Variants in CNTN4 observed in about 807,000 individuals in gnomAD.
CNTN4 encodes contactin 4.
Under a neutral mutation model 122.5 loss-of-function variants are expected in CNTN4, and 77 were observed. The ratio of observed to expected loss-of-function variants is 0.63; its 90% confidence interval spans 0.52 to 0.76. The LOEUF (loss-of-function observed/expected upper bound fraction) is 0.76. Among genes scored for constraint, CNTN4 ranks in the 30% least tolerant of loss-of-function variants. The probability of loss-of-function intolerance (pLI) is 0.00; values close to 1 mark genes in which losing one functional copy is unlikely to be tolerated. For synonymous variants in CNTN4, 512 were observed against 447.0 expected (o/e 1.15, Z -1.83); for missense variants, 1,256 against 1,259.1 (o/e 1.00, Z 0.04).
chr3:2,797,789 C>A (rs972855977), intron 6 of CNTN4, among the ~76,000 whole-genome samples: 1 of 152,076 alleles, frequency 6.6e-6, no homozygotes, highest in Non-Finnish European at 1.5e-5. Flanking sequence ...TAAGATTATT[C>A]TGTGGAAGAC....
intron 6 of CNTN4, among the ~76,000 whole-genome samples, chr3:2,807,531 C>T (rs1419406289): frequency 6.6e-6 from 1 of 151,728 alleles, no homozygotes; most frequent in Non-Finnish European, 1.5e-5. Context: ...ATTCAGCATC[C>T]AGTATCCCAA....
intron 6 of CNTN4, among the ~76,000 whole-genome samples, chr3:2,748,974 T>C (rs917458040): frequency 1.3e-5 from 2 of 152,192 alleles, no homozygotes; most frequent in East Asian, 3.9e-4. Flanking sequence ...GCTTTTCTCA[T>C]GATCTTTCAC....
intron 2 of CNTN4, among the ~76,000 whole-genome samples, chr3:2,103,888 C>T (rs1574828342): frequency 1.3e-5 from 2 of 152,092 alleles, no homozygotes; most frequent in Admixed American, 6.5e-5. Flanking sequence ...CATAAAAATG[C>T]CTGTTAGAGT....
intron 4 of CNTN4, among the ~76,000 whole-genome samples, chr3:2,594,347 A>C (rs879831367): frequency 6.6e-6 from 1 of 152,174 alleles, no homozygotes; most frequent in Non-Finnish European, 1.5e-5. Context: ...TCCATTTAGT[A>C]AATAGATAAT....
Position 3,030,994 on chromosome 3 carries a change from A to T in CNTN4, c.1783+19A>T. 2 of 1,613,832 alleles carry T rather than the reference A, an allele frequency of 1.2e-6. No homozygotes were observed. Among genetic ancestry groups the T allele is most frequent in the Non-Finnish European group, 1.7e-6 (2 of 1,179,786 alleles). ...GTAAGAGGTACTGGATTTTGTTGTT[A>T]TTGTTGTTCTTGAAATATTTTCATG... On this transcript the variant is annotated intron_variant, in intron 16 of 24. Transcript: ENST00000418658.
intron 3 of CNTN4, among the ~76,000 whole-genome samples, chr3:2,359,384 TCTTG>T (rs977130045): frequency 2.2e-4 from 34 of 152,188 alleles, no homozygotes; most frequent in African/African-American, 7.7e-4. Context: ...CTGGAATTGG[TCTTG>T]TATCTGTTAT....
chr3:2,870,903 T>G (rs1037603415), intron 8 of CNTN4, among the ~76,000 whole-genome samples: 10 of 152,174 alleles, frequency 6.6e-5, no homozygotes, highest in Admixed American at 3.9e-4. Flanking sequence ...ACAGTGAACC[T>G]TGGCTCAGTT....
chr3:2,214,111 A>C (rs1153531), intron 2 of CNTN4, among the ~76,000 whole-genome samples: 117,851 of 152,018 alleles, frequency 0.78, 45,949 homozygotes, highest in East Asian at 0.88. Context: ...GGAGGAGGGA[A>C]TGATTTTTTA....
chr3:2,177,650 G>C (rs1265011880), intron 2 of CNTN4, among the ~76,000 whole-genome samples: 2 of 94,634 alleles, frequency 2.1e-5, no homozygotes, highest in African/African-American at 3.8e-5. Context: ...GGGATTGTGT[G>C]TGTGTTTGTG....
At chr3:2,919,501 C>T (rs1207287093) in intron 12 of CNTN4, among the ~76,000 whole-genome samples, 1 of 152,138 alleles carries the variant, frequency 6.6e-6, no homozygotes, top group Non-Finnish European at 1.5e-5. Flanking sequence ...ATATTCTTGC[C>T]TTCAAGGAAC....
intron 3 of CNTN4, among the ~76,000 whole-genome samples, chr3:2,351,618 G>A (rs543998679): frequency 1.3e-5 from 2 of 152,198 alleles, no homozygotes; most frequent in East Asian, 1.9e-4. Flanking sequence ...ATTTCTTCAC[G>A]CTACTCGGAA....
chr3:3,026,407 C>T (rs923620153), intron 15 of CNTN4, 130 bp downstream of exon 15: 1 of 778,974 alleles, frequency 1.3e-6, no homozygotes, highest in African/African-American at 1.7e-5. Flanking sequence ...AATTCCTGCT[C>T]CTTTTTGCAC....
chr3:2,548,281 T>A (rs1413729214), intron 3 of CNTN4, among the ~76,000 whole-genome samples: 4 of 152,186 alleles, frequency 2.6e-5, no homozygotes, highest in African/African-American at 4.8e-5. Flanking sequence ...TTGCCTAGGT[T>A]TTCTTCTAGG....
At chr3:2,472,684 A>G (rs2075721345) in intron 3 of CNTN4, among the ~76,000 whole-genome samples, 1 of 152,238 alleles carries the variant, frequency 6.6e-6, no homozygotes, top group Non-Finnish European at 1.5e-5. Flanking sequence ...AGCAATAAAT[A>G]AACTAGAAAT....
intron 2 of CNTN4, among the ~76,000 whole-genome samples, chr3:2,289,940 T>C (rs2042073125): frequency 6.6e-6 from 1 of 152,176 alleles, no homozygotes; most frequent in Non-Finnish European, 1.5e-5. Flanking sequence ...CTTGGAGGCA[T>C]AGTTTTCAGG....
At chr3:3,042,460 T>G in intron 21 of CNTN4, 38 bp downstream of exon 21, 1 of 1,317,212 alleles carries the variant, frequency 7.6e-7, no homozygotes, top group Non-Finnish European at 1.1e-6. Context: ...TGAAAGAGAG[T>G]CTATGCCCCT....
chr3:2,543,854 G>C (rs904045997), intron 3 of CNTN4, among the ~76,000 whole-genome samples: 16 of 152,002 alleles, frequency 1.1e-4, no homozygotes, highest in Admixed American at 6.6e-5. Context: ...CATATATTAA[G>C]ACAAATATTA....
At chr3:2,252,780 T>C (rs1031627025) in intron 2 of CNTN4, among the ~76,000 whole-genome samples, 2 of 152,126 alleles carry the variant, frequency 1.3e-5, no homozygotes, top group South Asian at 2.1e-4. Flanking sequence ...TCCAAAACAC[T>C]GTAACATTTG....
At chr3:2,953,198 C>T (rs1186786779) in intron 13 of CNTN4, among the ~76,000 whole-genome samples, 2 of 152,124 alleles carry the variant, frequency 1.3e-5, no homozygotes, top group Admixed American at 6.5e-5. Flanking sequence ...ATGTCTCCAC[C>T]GTGTGCCACC....
Sources: gnomAD v4.1 joint callset for allele counts (sites outside exome capture counted in the v4.1 genomes callset) on GRCh38, gnomAD v4.1.1 for gene constraint, MANE v1.5 for transcripts, NCBI Gene and HGNC (gene_info 2026-07-23, HGNC 2026-07-21) for gene names.